BRDT: variants seen among roughly 807,000 people sequenced by gnomAD.
BRDT encodes bromodomain testis associated.
Under a neutral mutation model 113.9 loss-of-function variants are expected in BRDT, and 77 were observed. The ratio of observed to expected loss-of-function variants is 0.68; its 90% confidence interval spans 0.56 to 0.82. The LOEUF (loss-of-function observed/expected upper bound fraction) is 0.82. Among genes scored for constraint, BRDT ranks in the 40% least tolerant of loss-of-function variants. The probability of loss-of-function intolerance (pLI) is 0.00; values close to 1 mark genes in which losing one functional copy is unlikely to be tolerated. For missense variants in BRDT, 1,027 were observed against 1,105.4 expected, an observed-to-expected ratio of 0.93 and a Z score of 1.01; for synonymous variants, 358 against 366.5, an observed-to-expected ratio of 0.98 and a Z score of 0.26.
chr1:91,991,344 C>A, intron 13 of BRDT, 99 bp downstream of exon 13: 1 of 563,240 alleles, frequency 1.8e-6, no homozygotes, highest in Non-Finnish European at 2.8e-6. Context: ...TTTATTTACA[C>A]GAAGAAAGTT....
intron 15 of BRDT, among the ~76,000 whole-genome samples, chr1:91,995,287 G>A (rs868543184): frequency 2.0e-5 from 3 of 152,094 alleles, no homozygotes; most frequent in Non-Finnish European, 4.4e-5. Flanking sequence ...CAAGGGCAGA[G>A]GTATCTCCCT....
intron 1 of BRDT, among the ~76,000 whole-genome samples, chr1:91,961,290 G>T (rs1482942785): frequency 6.6e-6 from 1 of 151,698 alleles, no homozygotes. Context: ...CAGTCTGGGC[G>T]GTAGAGTGAG....
chr1:92,008,729 A>G (rs1033955730), intron 18 of BRDT, among the ~76,000 whole-genome samples: 4 of 152,196 alleles, frequency 2.6e-5, no homozygotes, highest in Admixed American at 1.3e-4. Context: ...TATCTTGTCC[A>G]GAATGTCATA....
At chr1:91,956,094 T>C (rs376723435) in intron 1 of BRDT, among the ~76,000 whole-genome samples, 2 of 152,242 alleles carry the variant, frequency 1.3e-5, no homozygotes, top group African/African-American at 4.8e-5. Flanking sequence ...ACAAGTTTTT[T>C]TGAGCAACAC....
intron 8 of BRDT, among the ~76,000 whole-genome samples, chr1:91,980,182 G>T (rs1684578055): frequency 6.6e-6 from 1 of 152,142 alleles, no homozygotes; most frequent in Admixed American, 6.5e-5. Context: ...CAAGGTGGGA[G>T]GATTGCTTGA....
At chr1:92,012,793 C>A (rs898616727) in intron 18 of BRDT, among the ~76,000 whole-genome samples, 1 of 151,902 alleles carries the variant, frequency 6.6e-6, no homozygotes, top group African/African-American at 2.4e-5. Context: ...ACCTGTAGCC[C>A]CAGCTACTTG....
At chr1:91,968,723 C>T (rs921614879) in intron 4 of BRDT, among the ~76,000 whole-genome samples, 1 of 152,052 alleles carries the variant, frequency 6.6e-6, no homozygotes, top group Non-Finnish European at 1.5e-5. Context: ...ATCATCTTTA[C>T]AACTAATAAT....
chr1:91,959,419 C>CTTTT (rs11346071), intron 1 of BRDT, among the ~76,000 whole-genome samples: 17 of 112,768 alleles, frequency 1.5e-4, no homozygotes, highest in East Asian at 5.0e-4. Context: ...CTTTTTCTTT[C>CTTTT]TTTTTTTTTT....
intron 4 of BRDT, among the ~76,000 whole-genome samples, chr1:91,975,515 C>T (rs1390871934): frequency 1.3e-5 from 2 of 152,162 alleles, no homozygotes; most frequent in African/African-American, 4.8e-5. Context: ...GAGTTGTGCA[C>T]TGATGATGCC....
chr1:91,976,437 A>C lies in BRDT; in HGVS notation c.617A>C (p.Gln206Pro), dbSNP rs202030736. 1 of 1,536,972 alleles carries C rather than the reference A, an allele frequency of 6.5e-7. No homozygotes were observed. The highest frequency in any genetic ancestry group is 1.4e-5 in the African/African-American group (1 of 70,568). Residue 206 changes from glutamine (Q) to proline (P), a missense_variant and splice_region_variant, in exon 5 of 19, where the codon CAA becomes CCA. Gln to Pro is a moderately conservative substitution (Grantham distance 76). Transcript: ENST00000399546. ...AACTCCAGTTCACAAACTGCGGCCC[A>C]AGTAAGTTTGTTGTAGTTTTTAAAT... ...SVNSSSQTAA[Q>P]VTKGVKRKAD...
intron 18 of BRDT, among the ~76,000 whole-genome samples, chr1:92,007,877 C>CTTTA (rs762206654): frequency 0.014 from 2,073 of 151,560 alleles, 32 homozygotes; most frequent in African/African-American, 0.045. Context: ...CTTTTCATTC[C>CTTTA]TTTATTTATT....
intron 4 of BRDT, among the ~76,000 whole-genome samples, chr1:91,970,784 T>C (rs1302273828): frequency 6.6e-6 from 1 of 151,816 alleles, no homozygotes; most frequent in Non-Finnish European, 1.5e-5. Context: ...TGGCATGCAC[T>C]TGTAGTTCCA....
intron 18 of BRDT, among the ~76,000 whole-genome samples, chr1:92,006,089 C>T (rs79012450): frequency 1.2e-4 from 18 of 152,256 alleles, no homozygotes; most frequent in Non-Finnish European, 2.1e-4. Flanking sequence ...CCATTGTGGT[C>T]GTACACATAT....
At position 91,956,471 on chromosome 1, in the gene BRDT, A is replaced by C. The variant is rs534941650; in HGVS notation, c.-37-6247A>C. 2.6e-5 allele frequency among the ~76,000 whole-genome samples: 4 copies of C among 152,252 alleles called. No homozygotes were observed. The South Asian group carries it at 8.3e-4, about 32-fold the overall frequency. On this transcript the variant is annotated intron_variant, in intron 1 of 18. Transcript: ENST00000399546. The stretch of plus-strand genomic sequence containing the variant: ...CATGATGGCAGTGTTCTATATCTGC[A>C]TTGTCTCATACAGTAGCTCCTAGCC...
intron 12 of BRDT, among the ~76,000 whole-genome samples, chr1:91,987,498 T>A (rs116680772): frequency 0.013 from 2,012 of 151,900 alleles, 35 homozygotes; most frequent in African/African-American, 0.037. Flanking sequence ...CATCCCCGGC[T>A]AATTTTTTTG....
At chr1:91,980,584 TCTAG>T in intron 8 of BRDT, 55 bp from the exon 9 acceptor site, 2 of 1,329,398 alleles carry the variant, frequency 1.5e-6, no homozygotes, top group Admixed American at 2.9e-5. Context: ...TTGATTTTTT[TCTAG>T]TTTCTTTAAT....
intron 5 of BRDT, among the ~76,000 whole-genome samples, chr1:91,976,835 A>C (rs1684182161): frequency 6.6e-6 from 1 of 152,154 alleles, no homozygotes; most frequent in Non-Finnish European, 1.5e-5. Flanking sequence ...GGTATGTGGG[A>C]AGATAATATT....
intron 1 of BRDT, among the ~76,000 whole-genome samples, chr1:91,956,910 G>A (rs964871622): frequency 3.9e-5 from 6 of 152,122 alleles, no homozygotes; most frequent in African/African-American, 1.4e-4. Context: ...CTGCACCCCT[G>A]CTTGGGTGAC....
At chr1:91,978,113 C>T (rs1163459221) in intron 6 of BRDT, 55 bp from the exon 7 acceptor site, 10 of 1,495,878 alleles carry the variant, frequency 6.7e-6, no homozygotes, top group Non-Finnish European at 8.3e-6. Flanking sequence ...TGTACGTGGT[C>T]AAATAATTAT....
Sources: allele counts gnomAD v4.1 joint callset (sites outside exome capture counted in the v4.1 genomes callset), GRCh38; gene constraint gnomAD v4.1.1; transcripts MANE v1.5; gene names NCBI Gene and HGNC (gene_info 2026-07-23, HGNC 2026-07-21).